CERK: variants seen among roughly 807,000 people sequenced by gnomAD.
CERK encodes the protein ceramide kinase.
In CERK, 39 loss-of-function variants were observed where a neutral mutation model predicts 63.4. The ratio of observed to expected loss-of-function variants is 0.61; its 90% CI spans 0.48 to 0.80. The LOEUF is 0.80. Ranked by LOEUF, CERK falls within the 30% of genes least tolerant of loss-of-function variation. The pLI is 0.00. For missense variants in CERK, 670 were observed against 714.1 expected (o/e 0.94, Z 0.70); for synonymous variants, 302 against 280.0 (o/e 1.08, Z -0.78).
At chr22:46,726,734 C>T (rs763697204) in intron 1 of CERK, among the ~76,000 whole-genome samples, 9 of 152,160 alleles carry the variant, frequency 5.9e-5, no homozygotes, top group Non-Finnish European at 8.8e-5. Flanking sequence ...AGAAATCTCA[C>T]GTGCAGGAAA....
intron 10 of CERK, among the ~76,000 whole-genome samples, chr22:46,692,087 C>T (rs1382484916): frequency 2.0e-5 from 3 of 152,180 alleles, no homozygotes; most frequent in Non-Finnish European, 4.4e-5. Context: ...GCCCGCCGCC[C>T]GTCTGTGTGT....
In CERK at chr22:46,686,363, C is replaced by T. The variant is rs1383036895; in HGVS notation, c.*771G>A. On this transcript the variant is annotated 3_prime_UTR_variant, in exon 13 of 13. Transcript: ENST00000216264. Reference sequence around the variant, plus strand: ...CCCGGCTGTGTTAAGCACTTCGCGTCGATATAAAGCATTGGTATTTGACAT... The same window carrying T: ...CCCGGCTGTGTTAAGCACTTCGCGTTGATATAAAGCATTGGTATTTGACAT... 2.0e-5 allele frequency: 3 copies of T among 152,196 alleles called. No individual in the cohort carries two copies. The highest frequency in any genetic ancestry group is 2.9e-5 in the Non-Finnish European group (2 of 68,058). 9.4% of individuals were successfully genotyped at this position (152,196 alleles called of 1,614,324 possible).
At chr22:46,701,497 A>C (rs374981138) in intron 7 of CERK, 139 bp downstream of exon 7, 1 of 657,008 alleles carries the variant, frequency 1.5e-6, no homozygotes, top group Non-Finnish European at 2.5e-6. Context: ...CGCAGCGAGC[A>C]GAGCAGGGGA....
At chr22:46,723,135 C>G (rs749329247) in intron 1 of CERK, among the ~76,000 whole-genome samples, 6 of 152,164 alleles carry the variant, frequency 3.9e-5, no homozygotes, top group Admixed American at 6.5e-5. Flanking sequence ...CCACACTGGA[C>G]CTGCAGCAAG....
At chr22:46,731,537 G>A (rs188773061) in intron 1 of CERK, among the ~76,000 whole-genome samples, 55 of 152,364 alleles carry the variant, frequency 3.6e-4, no homozygotes, top group African/African-American at 1.3e-3. Context: ...AACAGAAGGT[G>A]TAAACGCTGC....
intron 3 of CERK, among the ~76,000 whole-genome samples, chr22:46,717,837 T>C (rs981536141): frequency 1.3e-5 from 2 of 152,164 alleles, no homozygotes; most frequent in African/African-American, 4.8e-5. Flanking sequence ...TCCCAGCACT[T>C]TGGGAGGCCG....
chr22:46,710,821 C>A (rs190690937), intron 5 of CERK, among the ~76,000 whole-genome samples: 4 of 152,336 alleles, frequency 2.6e-5, no homozygotes, highest in African/African-American at 7.2e-5. Flanking sequence ...CTACACAGCA[C>A]CGCATAAGCA....
At chr22:46,726,740 G>A (rs1388538789) in intron 1 of CERK, among the ~76,000 whole-genome samples, 1 of 152,158 alleles carries the variant, frequency 6.6e-6, no homozygotes, top group African/African-American at 2.4e-5. Flanking sequence ...CTCACGTGCA[G>A]GAAACTCAGA....
chr22:46,686,151 G>GT lies in CERK; in HGVS notation c.*982dup, dbSNP rs2082700024. ...GCAAAAGACAGACATCCGAGACGCA[G>GT]TTTACACTACTCTGGCTTAAAAGGA... On this transcript the variant is annotated 3_prime_UTR_variant, in exon 13 of 13. Coordinates refer to ENST00000216264, the MANE Select transcript of CERK (RefSeq NM_022766.6). The GT allele has an allele frequency of 6.6e-6, 1 of 152,172 alleles. No individual in the cohort carries two copies. The highest frequency in any genetic ancestry group is 2.4e-5 in the African/African-American group (1 of 41,426). 9.4% of individuals were successfully genotyped at this position (152,172 alleles called of 1,614,324 possible). A position where few individuals can be genotyped will look rare whatever the true frequency, so the allele number is the denominator to read the frequency against.
intron 1 of CERK, among the ~76,000 whole-genome samples, chr22:46,734,795 AGAGT>A (rs1311796396): frequency 2.0e-5 from 3 of 152,254 alleles, no homozygotes; most frequent in Admixed American, 6.5e-5. Flanking sequence ...TCTAAGTCGA[AGAGT>A]GACTTTTTGT....
intron 1 of CERK, among the ~76,000 whole-genome samples, chr22:46,731,311 G>A (rs902159400): frequency 6.6e-6 from 1 of 152,228 alleles, no homozygotes; most frequent in African/African-American, 2.4e-5. Context: ...CGTGCTGTTA[G>A]GGGAGTGCAT....
intron 8 of CERK, among the ~76,000 whole-genome samples, chr22:46,697,976 G>A (rs997702372): frequency 2.0e-5 from 3 of 152,192 alleles, no homozygotes; most frequent in Admixed American, 6.5e-5. Flanking sequence ...CGCCTGGCCC[G>A]AGGCCCCAGC....
chr22:46,690,519 A>C (rs1472452375), intron 11 of CERK, among the ~76,000 whole-genome samples: 1 of 152,188 alleles, frequency 6.6e-6, no homozygotes, highest in African/African-American at 2.4e-5. Context: ...ATCTACAATG[A>C]CGAACGCTTT....
chr22:46,737,499 C>G (rs1253933158), intron 1 of CERK, among the ~76,000 whole-genome samples: 3 of 152,184 alleles, frequency 2.0e-5, no homozygotes, highest in Non-Finnish European at 4.4e-5. Flanking sequence ...GGGAGCACAC[C>G]CCACAGAAAG....
chr22:46,707,846 C>T lies in CERK; in HGVS notation c.712G>A (p.Ala238Thr), dbSNP rs183554398. ...PSSLRIGIIPAGSTDCVCYST... is the reference protein window; with the variant it reads ...PSSLRIGIIPTGSTDCVCYST... ...GAATGCCAGGCCGGCTCCATACCTG[C>T]GGGAATGATTCCAATCCGGAGGCTA... Residue 238 changes from alanine (A) to threonine (T), a missense_variant, in exon 6 of 13, where the codon GCA (alanine) becomes ACA (threonine). Transcript: ENST00000216264. 1.9e-5 allele frequency: 30 copies of T among 1,606,124 alleles called. No homozygotes were observed. Among genetic ancestry groups the T allele is most frequent in the Admixed American group, 6.8e-5 (4 of 59,148 alleles).
At chr22:46,720,565 G>A (rs1415333250) in intron 2 of CERK, among the ~76,000 whole-genome samples, 7 of 151,940 alleles carry the variant, frequency 4.6e-5, no homozygotes, top group South Asian at 2.1e-4. Context: ...GTGTGGTGGC[G>A]GGCACCTATA....
At chr22:46,713,164 A>C (rs2082849971) in intron 3 of CERK, among the ~76,000 whole-genome samples, 1 of 152,152 alleles carries the variant, frequency 6.6e-6, no homozygotes, top group South Asian at 2.1e-4. Flanking sequence ...TAAAAGTAAC[A>C]AGACAGTATC....
chr22:46,707,910 C>G lies in CERK; in HGVS notation c.648G>C (p.Gly216=), dbSNP rs2082821413. The part of the protein sequence containing the change: ...GLIGRTQRSA[G]VDQNHPRAVL... ...CAGCCCGGGGGTGGTTCTGGTCGAC[C>G]CCGGCGCTCCTCTGCGTCCTCCCAA... Residue 216 remains glycine (G), a synonymous_variant, in exon 6 of 13, where the codon GGG becomes GGC. Coordinates refer to ENST00000216264, the MANE Select transcript of CERK (RefSeq NM_022766.6). 6.2e-7 allele frequency: 1 copy of G among 1,613,784 alleles called. No homozygotes were observed. The highest frequency in any genetic ancestry group is 1.1e-5 in the South Asian group (1 of 91,080).
intron 1 of CERK, among the ~76,000 whole-genome samples, chr22:46,731,551 G>C (rs2082945482): frequency 6.6e-6 from 1 of 152,248 alleles, no homozygotes; most frequent in Non-Finnish European, 1.5e-5. Flanking sequence ...ACGCTGCCCA[G>C]TCTTGGAACA....
Sources: gnomAD v4.1 joint callset for allele counts (sites outside exome capture counted in the v4.1 genomes callset) on GRCh38, gnomAD v4.1.1 for gene constraint, MANE v1.5 for transcripts, NCBI Gene and HGNC (gene_info 2026-07-23, HGNC 2026-07-21) for gene names.